TXNL1: variants seen among roughly 807,000 people sequenced by gnomAD.
The protein encoded by TXNL1 is thioredoxin-like protein 1.
In TXNL1, 14 loss-of-function variants were observed where a neutral mutation model predicts 35.5. The ratio of observed to expected loss-of-function variants is 0.39; its 90% CI spans 0.26 to 0.62. The LOEUF (loss-of-function observed/expected upper bound fraction) is 0.62, where lower values mean the gene tolerates loss of function less well. Among genes scored for constraint, TXNL1 ranks in the 20% least tolerant of loss-of-function variants. The pLI is 0.47. For synonymous variants in TXNL1, 110 were observed against 115.5 expected (o/e 0.95, Z 0.31); for missense variants, 263 against 349.7 (o/e 0.75, Z 1.98).
intron 3 of TXNL1, among the ~76,000 whole-genome samples, chr18:56,620,924 TG>T (rs933686772): frequency 1.3e-5 from 2 of 152,168 alleles, no homozygotes; most frequent in African/African-American, 4.8e-5. Context: ...ATTTAAAAGA[TG>T]GGGAGGGAAG....
intron 5 of TXNL1, among the ~76,000 whole-genome samples, chr18:56,616,022 C>T (rs1413634636): frequency 6.6e-6 from 1 of 151,658 alleles, no homozygotes; most frequent in Non-Finnish European, 1.5e-5. Context: ...GTCCCAGCTA[C>T]CTGGGAGGCA....
chr18:56,617,121 G>A (rs1350705513), intron 4 of TXNL1, among the ~76,000 whole-genome samples: 1 of 152,188 alleles, frequency 6.6e-6, no homozygotes, highest in Non-Finnish European at 1.5e-5. Flanking sequence ...AAAACATGGT[G>A]GCTCTGGGGT....
At chr18:56,635,037 G>A (rs775002263) in intron 1 of TXNL1, among the ~76,000 whole-genome samples, 1 of 152,146 alleles carries the variant, frequency 6.6e-6, no homozygotes, top group South Asian at 2.1e-4. Flanking sequence ...TGACGTGGGA[G>A]GGTCGCTTGA....
chr18:56,632,930 C>G (rs1783123774), intron 1 of TXNL1, among the ~76,000 whole-genome samples: 1 of 152,082 alleles, frequency 6.6e-6, no homozygotes, highest in African/African-American at 2.4e-5. Flanking sequence ...CTTCAATAAA[C>G]TTCCTTCAGT....
intron 7 of TXNL1, chr18:56,608,938 C>G (rs902395689): frequency 2.1e-5 from 3 of 145,478 alleles, no homozygotes; most frequent in African/African-American, 7.5e-5. Flanking sequence ...CAGAACAAAA[C>G]CCTGTCTCAA....
chr18:56,613,376 T>C (rs2024028053), intron 6 of TXNL1, among the ~76,000 whole-genome samples: 1 of 152,232 alleles, frequency 6.6e-6, no homozygotes, highest in African/African-American at 2.4e-5. Context: ...TCTAAATGAC[T>C]GTAGGTGAGA....
At chr18:56,622,034 A>G (rs2024197254) in intron 3 of TXNL1, among the ~76,000 whole-genome samples, 1 of 151,436 alleles carries the variant, frequency 6.6e-6, no homozygotes, top group African/African-American at 2.4e-5. Flanking sequence ...AAAAAAATTA[A>G]TTAAATAAAA....
chr18:56,632,207 A>C (rs2024383754), intron 1 of TXNL1, among the ~76,000 whole-genome samples: 1 of 152,178 alleles, frequency 6.6e-6, no homozygotes. Context: ...CTTCAAGATA[A>C]GTGTCTTATC....
intron 2 of TXNL1, among the ~76,000 whole-genome samples, chr18:56,625,080 T>C (rs1439838406): frequency 6.6e-6 from 1 of 152,132 alleles, no homozygotes; most frequent in Non-Finnish European, 1.5e-5. Flanking sequence ...AGTTTAAGCT[T>C]TTCATGACAA....
intron 1 of TXNL1, among the ~76,000 whole-genome samples, chr18:56,637,876 G>T (rs74885141): frequency 0.065 from 9,848 of 152,288 alleles, 1,075 homozygotes; most frequent in African/African-American, 0.22. Context: ...TAGTTAGATC[G>T]CCCCATCTGA....
At chr18:56,637,572 A>C (rs888190916) in intron 1 of TXNL1, among the ~76,000 whole-genome samples, 1 of 152,252 alleles carries the variant, frequency 6.6e-6, no homozygotes, top group East Asian at 1.9e-4. Flanking sequence ...ACGACCTATA[A>C]TTTTGTTGAT....
chr18:56,628,611 G>C (rs2024323715), intron 1 of TXNL1, among the ~76,000 whole-genome samples: 1 of 152,074 alleles, frequency 6.6e-6, no homozygotes, highest in Non-Finnish European at 1.5e-5. Flanking sequence ...TTCAAATACA[G>C]ACAAAACCAA....
intron 4 of TXNL1, 105 bp from the exon 5 acceptor site, chr18:56,616,419 T>G: frequency 9.7e-7 from 1 of 1,025,792 alleles, no homozygotes; most frequent in Non-Finnish European, 1.4e-6. Flanking sequence ...AAAACCAACC[T>G]AATTCATCGA....
At chr18:56,634,900 A>G (rs1478992605) in intron 1 of TXNL1, among the ~76,000 whole-genome samples, 1 of 152,230 alleles carries the variant, frequency 6.6e-6, no homozygotes, top group East Asian at 1.9e-4. Flanking sequence ...TGCAAATTAA[A>G]TATTAACATC....
At chr18:56,638,205 A>G (rs1395158374) in intron 1 of TXNL1, 138 bp downstream of exon 1, 1 of 868,148 alleles carries the variant, frequency 1.2e-6, no homozygotes, top group Non-Finnish European at 1.7e-6. Context: ...ACGAGGCCTA[A>G]TTCCGGCAGC....
Position 56,597,752 on chromosome 18 carries a change from T to C in TXNL1, c.*5275A>G, listed in dbSNP as rs1313260070. On this transcript the variant is annotated 3_prime_UTR_variant, in exon 8 of 8. Transcript: ENST00000217515. ...ACTCCTAGTTCCTTGCTTCTAGCTCTAAGCTCTAAAATCACATTCCTGGCT... is the reference window on the plus strand; with the variant it reads ...ACTCCTAGTTCCTTGCTTCTAGCTCCAAGCTCTAAAATCACATTCCTGGCT... 1 of 152,242 alleles carries C rather than the reference T, an allele frequency of 6.6e-6. No individual in the cohort carries two copies. The highest frequency in any genetic ancestry group is 1.5e-5 in the Non-Finnish European group (1 of 68,048). 9.4% of individuals were successfully genotyped at this position (152,242 alleles called of 1,614,324 possible). A position where few individuals can be genotyped will look rare whatever the true frequency, so the allele number is the denominator to read the frequency against.
intron 3 of TXNL1, among the ~76,000 whole-genome samples, chr18:56,622,186 G>A (rs1390979068): frequency 1.3e-5 from 2 of 151,956 alleles, no homozygotes; most frequent in African/African-American, 2.4e-5. Context: ...ATAGACAAGT[G>A]TGCCTAGTGG....
chr18:56,638,306 A>G, intron 1 of TXNL1, 37 bp downstream of exon 1: 1 of 1,575,498 alleles, frequency 6.3e-7, no homozygotes, highest in Non-Finnish European at 8.7e-7. Flanking sequence ...GCAAGGAAGG[A>G]CAGACGGGGA....
At chr18:56,628,135 A>G (rs957452950) in intron 1 of TXNL1, among the ~76,000 whole-genome samples, 1 of 152,192 alleles carries the variant, frequency 6.6e-6, no homozygotes, top group African/African-American at 2.4e-5. Flanking sequence ...AAAGCAGGAA[A>G]GATGTTCTAC....
Sources: gnomAD v4.1 joint callset for allele counts (sites outside exome capture counted in the v4.1 genomes callset) on GRCh38, gnomAD v4.1.1 for gene constraint, MANE v1.5 for transcripts, NCBI Gene and HGNC (gene_info 2026-07-23, HGNC 2026-07-21) for gene names.